Variants in ASZ1 observed in about 807,000 individuals in gnomAD.
ASZ1 encodes ankyrin repeat, SAM and basic leucine zipper domain-containing protein 1.
Under a neutral mutation model 61.8 loss-of-function variants are expected in ASZ1, and 67 were observed. That is an observed-to-expected ratio of 1.08 (90% CI 0.89 to 1.33). The LOEUF is 1.33. ASZ1 is among the 40% of genes most tolerant of loss of function. ASZ1 has a pLI of 0.00. For synonymous variants in ASZ1, 193 were observed against 192.7 expected (o/e 1.00, Z -0.01); for missense variants, 577 against 554.5 (o/e 1.04, Z -0.41).
intron 4 of ASZ1, among the ~76,000 whole-genome samples, chr7:117,407,192 C>T (rs181847696): frequency 4.6e-5 from 7 of 151,942 alleles, no homozygotes; most frequent in Non-Finnish European, 1.0e-4. Context: ...AGGCTGAAAG[C>T]AAAAATATGG....
chr7:117,406,000 T>A (rs989258994), intron 4 of ASZ1, among the ~76,000 whole-genome samples: 1 of 152,176 alleles, frequency 6.6e-6, no homozygotes, highest in Admixed American at 6.5e-5. Flanking sequence ...CCTTCTTAGA[T>A]AAGAAGTGAA....
Position 117,367,483 on chromosome 7 carries a change from A to G in ASZ1, c.1162-18T>C. 1 of 1,465,734 alleles carries G rather than the reference A, an allele frequency of 6.8e-7. No individual in the cohort carries two copies. The allele number at this position is 1,465,734 out of a possible 1,614,324, so 90.8% of individuals were successfully genotyped here. The stretch of plus-strand genomic sequence containing the variant: ...AGTGTTATCTGTTAATATTTTCAAA[A>G]GTTCAACATTAAATAATGGAAATAA... On this transcript the variant is annotated intron_variant, in intron 11 of 12. Coordinates refer to ENST00000284629, the MANE Select transcript of ASZ1 (RefSeq NM_130768.3).
chr7:117,384,622 T>C, intron 6 of ASZ1, 104 bp downstream of exon 6: 1 of 1,304,188 alleles, frequency 7.7e-7, no homozygotes, highest in Non-Finnish European at 1.0e-6. Context: ...AATTGCCAGA[T>C]ACACTATAAT....
At chr7:117,408,666 C>T (rs1213696474) in intron 4 of ASZ1, among the ~76,000 whole-genome samples, 1 of 152,062 alleles carries the variant, frequency 6.6e-6, no homozygotes, top group Non-Finnish European at 1.5e-5. Flanking sequence ...AACATTAGAA[C>T]ATTTCTCAGC....
chr7:117,401,705 C>A (rs971181874), intron 4 of ASZ1, among the ~76,000 whole-genome samples: 2 of 152,200 alleles, frequency 1.3e-5, no homozygotes, highest in Admixed American at 1.3e-4. Context: ...CTTCACCTAG[C>A]AACCTCCACT....
At chr7:117,397,635 G>A (rs896033279) in intron 4 of ASZ1, among the ~76,000 whole-genome samples, 4 of 152,178 alleles carry the variant, frequency 2.6e-5, no homozygotes, top group Non-Finnish European at 4.4e-5. Flanking sequence ...AGGCCAATTC[G>A]TGCTAATTTC....
At chr7:117,374,175 C>T (rs1472568593) in intron 10 of ASZ1, among the ~76,000 whole-genome samples, 1 of 151,944 alleles carries the variant, frequency 6.6e-6, no homozygotes, top group Non-Finnish European at 1.5e-5. Flanking sequence ...AAATTAGGAT[C>T]GTCTATATTA....
intron 1 of ASZ1, 130 bp from the exon 2 acceptor site, chr7:117,427,065 T>A: frequency 9.6e-7 from 1 of 1,045,178 alleles, no homozygotes; most frequent in Non-Finnish European, 1.4e-6. Context: ...GATACAAAGT[T>A]TGAAAAGAAT....
chr7:117,370,914 T>C (rs1796039438), intron 10 of ASZ1, among the ~76,000 whole-genome samples: 1 of 151,364 alleles, frequency 6.6e-6, no homozygotes. Context: ...TAACCTCTGC[T>C]CCTGGGTTCA....
intron 2 of ASZ1, among the ~76,000 whole-genome samples, chr7:117,423,448 G>A (rs1427832367): frequency 6.6e-6 from 1 of 151,938 alleles, no homozygotes; most frequent in Admixed American, 6.6e-5. Flanking sequence ...TGCTTTGATT[G>A]AAAGCTTATC....
In ASZ1 at chr7:117,420,187, T is replaced by G; in HGVS notation, c.416A>C (p.Asn139Thr). Residue 139 changes from asparagine to threonine, a missense_variant, in exon 4 of 13, where the codon AAT becomes ACT. Physicochemically the swap from Asn to Thr is moderately conservative, Grantham distance 65. Transcript: ENST00000284629. ...CCTACAAGCAACATTTGGATCAGCA[T>G]TTCTTGAAAGTAGTAGTTCTACACA... is the stretch of plus-strand genomic sequence containing the variant. ...LKCVELLLSR[N>T]ADPNVACRRL... 6.2e-7 allele frequency: 1 copy of G among 1,611,184 alleles called. No individual in the cohort carries two copies. Among genetic ancestry groups the G allele is most frequent in the South Asian group, 1.1e-5 (1 of 90,812 alleles).
chr7:117,421,214 TTGAG>T (rs963075414), intron 3 of ASZ1, among the ~76,000 whole-genome samples: 25 of 152,210 alleles, frequency 1.6e-4, no homozygotes, highest in African/African-American at 5.8e-4. Flanking sequence ...ATAGCTTTCA[TTGAG>T]TAATTTTTTT....
rs76405647 is a variant in ASZ1, at chr7:117,416,991, G to A, written c.440+3172C>T. ...GAAATTATCTTCCTGCTCCTAGTAC[G>A]AATCAGTAACTCATTTTTCCCCATT... is the stretch of plus-strand genomic sequence containing the variant. On this transcript the variant is annotated intron_variant, in intron 4 of 12. Transcript: ENST00000284629. Among the ~76,000 whole-genome samples, 722 of 152,106 alleles carry A rather than the reference G, an allele frequency of 4.7e-3. 5 individuals are homozygous for A. The highest frequency in any genetic ancestry group is 0.016 in the African/African-American group (677 of 41,472).
intron 4 of ASZ1, among the ~76,000 whole-genome samples, chr7:117,393,056 A>G (rs2116487655): frequency 6.6e-6 from 1 of 152,172 alleles, no homozygotes; most frequent in African/African-American, 2.4e-5. Context: ...CACGTTGGCC[A>G]GGCTGGTCTC....
chr7:117,364,657 C>A (rs937343447), intron 12 of ASZ1, among the ~76,000 whole-genome samples: 2 of 152,116 alleles, frequency 1.3e-5, no homozygotes, highest in African/African-American at 4.8e-5. Context: ...GGAATAATGA[C>A]TTCCAAATTC....
At chr7:117,386,069 G>A (rs867458902) in intron 4 of ASZ1, among the ~76,000 whole-genome samples, 10 of 152,054 alleles carry the variant, frequency 6.6e-5, no homozygotes, top group East Asian at 1.9e-4. Flanking sequence ...AATAAGCCAC[G>A]CTTTCTACTA....
In ASZ1 at chr7:117,382,880, C is replaced by G. The variant is rs953078247; in HGVS notation, c.812+106G>C. On this transcript the variant is annotated intron_variant, in intron 7 of 12. Transcript: ENST00000284629. ...CCAGACATTTAAAAATGCTTGTAAA[C>G]ATTTAAAATATCATATATTTTAAAT... 5.0e-6 allele frequency: 6 copies of G among 1,194,756 alleles called. No individual in the cohort carries two copies. The African/African-American group carries it at 8.1e-5, about 16-fold the overall frequency. 74.0% of individuals were successfully genotyped at this position (1,194,756 alleles called of 1,614,324 possible).
At position 117,382,185 on chromosome 7, in the gene ASZ1, T is replaced by G. The variant is rs1010558871; in HGVS notation, c.813-41A>C. On this transcript the variant is annotated intron_variant, in intron 7 of 12. Transcript: ENST00000284629. Reference sequence around the variant, plus strand: ...GCAATGTCAATTTCAGAACAGATTATAAATGCACAAGCGATAAATATACAT... The same window carrying G: ...GCAATGTCAATTTCAGAACAGATTAGAAATGCACAAGCGATAAATATACAT... 9 of 1,164,592 alleles carry G rather than the reference T, an allele frequency of 7.7e-6. No homozygotes were observed. The African/African-American group carries it at 9.2e-5, about 12-fold the overall frequency. The allele number at this position is 1,164,592 out of a possible 1,614,324, so 72.1% of individuals were successfully genotyped here. A position where few individuals can be genotyped will look rare whatever the true frequency, so the allele number is the denominator to read the frequency against.
At chr7:117,421,416 T>C (rs757630162) in intron 3 of ASZ1, among the ~76,000 whole-genome samples, 11 of 152,154 alleles carry the variant, frequency 7.2e-5, no homozygotes, top group Non-Finnish European at 1.5e-4. Flanking sequence ...AGTCTCACTA[T>C]GTTGTCCAGG....
Sources: allele counts gnomAD v4.1 joint callset (sites outside exome capture counted in the v4.1 genomes callset), GRCh38; gene constraint gnomAD v4.1.1; transcripts MANE v1.5; gene names NCBI Gene and HGNC (gene_info 2026-07-23, HGNC 2026-07-21).